Variants in PTPRT observed in about 807,000 individuals in gnomAD.
The protein encoded by PTPRT is protein tyrosine phosphatase receptor type T.
A neutral mutation model predicts 176.8 loss-of-function variants in PTPRT; 56 were observed. The ratio of observed to expected loss-of-function variants is 0.32; its 90% CI spans 0.26 to 0.40. The LOEUF is 0.40. Ranked by LOEUF, PTPRT falls within the 10% of genes least tolerant of loss-of-function variation. The pLI is 1.00. For missense variants in PTPRT, 1,540 were observed against 1,908.2 expected (o/e 0.81, Z 3.60); for synonymous variants, 783 against 739.0 (o/e 1.06, Z -0.96).
chr20:42,444,606 T>A (rs2059347056), intron 9 of PTPRT, among the ~76,000 whole-genome samples: 1 of 152,128 alleles, frequency 6.6e-6, no homozygotes, highest in Non-Finnish European at 1.5e-5. Context: ...TTCCCCTCCC[T>A]TATTTTTTCT....
At chr20:42,527,180 G>T (rs902210015) in intron 7 of PTPRT, among the ~76,000 whole-genome samples, 12 of 151,736 alleles carry the variant, frequency 7.9e-5, no homozygotes, top group African/African-American at 2.7e-4. Context: ...AGCCAGGATG[G>T]TCTCTATCTC....
intron 7 of PTPRT, among the ~76,000 whole-genome samples, chr20:42,633,728 G>A (rs1312984198): frequency 7.6e-6 from 1 of 131,980 alleles, no homozygotes; most frequent in Non-Finnish European, 1.5e-5. Flanking sequence ...GGAGGTCACA[G>A]TGAGCTGTAA....
intron 6 of PTPRT, among the ~76,000 whole-genome samples, chr20:42,753,053 A>C (rs1426205143): frequency 6.6e-6 from 1 of 152,130 alleles, no homozygotes; most frequent in Non-Finnish European, 1.5e-5. Context: ...CAGGAAGGGA[A>C]TATCACGTGT....
At chr20:43,038,551 G>GA (rs1008425472) in intron 1 of PTPRT, among the ~76,000 whole-genome samples, 2 of 151,954 alleles carry the variant, frequency 1.3e-5, no homozygotes, top group African/African-American at 2.4e-5. Flanking sequence ...AATTAAATCA[G>GA]AAAAAAGGAT....
At chr20:42,709,925 G>T (rs906411857) in intron 6 of PTPRT, among the ~76,000 whole-genome samples, 16 of 152,146 alleles carry the variant, frequency 1.1e-4, no homozygotes, top group African/African-American at 1.7e-4. Flanking sequence ...AAAAAACTTG[G>T]CTGCATTATG....
chr20:42,272,007 T>A (rs1249715920), intron 13 of PTPRT, among the ~76,000 whole-genome samples: 1 of 152,064 alleles, frequency 6.6e-6, no homozygotes, highest in Non-Finnish European at 1.5e-5. Flanking sequence ...ATATGAAAAG[T>A]TTTGCTGTTT....
chr20:43,072,508 G>A (rs1309933356), intron 1 of PTPRT, among the ~76,000 whole-genome samples: 1 of 152,120 alleles, frequency 6.6e-6, no homozygotes, highest in Non-Finnish European at 1.5e-5. Flanking sequence ...CAAGCTGAAT[G>A]TGAAATAAAC....
At chr20:43,045,157 C>T (rs1415743522) in intron 1 of PTPRT, among the ~76,000 whole-genome samples, 3 of 152,172 alleles carry the variant, frequency 2.0e-5, no homozygotes, top group Non-Finnish European at 4.4e-5. Context: ...AGGGAGGATC[C>T]TTGAGGATAA....
intron 7 of PTPRT, among the ~76,000 whole-genome samples, chr20:42,666,976 T>G (rs1346406041): frequency 6.6e-6 from 1 of 152,214 alleles, no homozygotes; most frequent in Admixed American, 6.5e-5. Context: ...AATAAGAAGG[T>G]GCCTTTCCAT....
At chr20:43,055,340 T>G (rs1456924744) in intron 1 of PTPRT, among the ~76,000 whole-genome samples, 3 of 152,208 alleles carry the variant, frequency 2.0e-5, no homozygotes, top group African/African-American at 7.2e-5. Flanking sequence ...TAGCTTGGCC[T>G]CCTTCAGTTC....
Position 42,639,540 on chromosome 20 carries a change from T to C in PTPRT, c.1153+38326A>G, listed in dbSNP as rs551670103. Among the ~76,000 whole-genome samples the C allele has an allele frequency of 4.6e-5, 7 of 152,240 alleles. No individual in the cohort carries two copies. In the South Asian group the frequency reaches 1.5e-3, roughly 32 times the overall value. ...CATATTCCTTTCACGAATCATTTTG[T>C]AGGGGACACAGGAGGGTACATTCCC... On this transcript the variant is annotated intron_variant, in intron 7 of 30. Coordinates refer to ENST00000373187, the MANE Select transcript of PTPRT (RefSeq NM_007050.6).
At chr20:42,458,749 C>T (rs1282941426) in intron 8 of PTPRT, among the ~76,000 whole-genome samples, 3 of 152,164 alleles carry the variant, frequency 2.0e-5, no homozygotes, top group South Asian at 2.1e-4. Context: ...GAGCTTTCTA[C>T]GATCTTCTTC....
intron 2 of PTPRT, among the ~76,000 whole-genome samples, chr20:42,845,471 G>A (rs2078353729): frequency 6.6e-6 from 1 of 152,188 alleles, no homozygotes; most frequent in Non-Finnish European, 1.5e-5. Flanking sequence ...GTGCACATGT[G>A]TGTGACAGAG....
chr20:42,489,504 G>A (rs868237942), intron 7 of PTPRT, among the ~76,000 whole-genome samples: 44 of 136,356 alleles, frequency 3.2e-4, no homozygotes, highest in African/African-American at 1.4e-3. Flanking sequence ...AGCCTATCCT[G>A]ACTTTTTTTT....
At chr20:42,556,084 G>A (rs1442136759) in intron 7 of PTPRT, among the ~76,000 whole-genome samples, 2 of 152,164 alleles carry the variant, frequency 1.3e-5, no homozygotes, top group African/African-American at 4.8e-5. Flanking sequence ...TCTATTAAGC[G>A]ACAAAGACTC....
At chr20:42,431,902 G>T (rs527370452) in intron 9 of PTPRT, among the ~76,000 whole-genome samples, 1 of 152,144 alleles carries the variant, frequency 6.6e-6, no homozygotes, top group Admixed American at 6.5e-5. Context: ...TATCCAAGTG[G>T]TAACACAGGT....
Position 43,083,358 on chromosome 20 carries a change from AT to A in PTPRT, c.88+106287del, listed in dbSNP as rs1568774271. Among the ~76,000 whole-genome samples the A allele has an allele frequency of 4.4e-3, 566 of 129,450 alleles. 26 individuals are homozygous for A. The highest frequency in any genetic ancestry group is 0.016 in the African/African-American group (542 of 33,384). 84.9% of individuals were successfully genotyped at this position (129,450 alleles called of 152,430 possible). A position where few individuals can be genotyped will look rare whatever the true frequency, so the allele number is the denominator to read the frequency against. Reference sequence around the variant, plus strand: ...TATATATATATATATATATATATATATATATATATATACATTTTTTGAGACA... The same window carrying A: ...TATATATATATATATATATATATATAATATATATATACATTTTTTGAGACA... On this transcript the variant is annotated intron_variant, in intron 1 of 30. Transcript: ENST00000373187.
intron 7 of PTPRT, among the ~76,000 whole-genome samples, chr20:42,550,121 C>T (rs2072741954): frequency 6.6e-6 from 1 of 152,160 alleles, no homozygotes; most frequent in Admixed American, 6.5e-5. Flanking sequence ...TTCTGTACGC[C>T]CCTTGCTTTT....
intron 12 of PTPRT, among the ~76,000 whole-genome samples, chr20:42,286,760 T>TA (rs2057236634): frequency 6.6e-6 from 1 of 151,600 alleles, no homozygotes; most frequent in Admixed American, 6.6e-5. Flanking sequence ...TATATAAAAC[T>TA]AAAAAATTAT....
Sources: gnomAD v4.1 joint callset for allele counts (sites outside exome capture counted in the v4.1 genomes callset) on GRCh38, gnomAD v4.1.1 for gene constraint, MANE v1.5 for transcripts, NCBI Gene and HGNC (gene_info 2026-07-23, HGNC 2026-07-21) for gene names.